The following PAX8 variants were observed in gnomAD, a reference collection of about 807,000 sequenced individuals.
PAX8 encodes paired box 8.
Under a neutral mutation model 52.4 loss-of-function variants are expected in PAX8, and 15 were observed. The ratio of observed to expected loss-of-function variants is 0.29; its 90% confidence interval spans 0.19 to 0.44. The LOEUF (loss-of-function observed/expected upper bound fraction) is 0.44. PAX8 is among the 20% of genes least tolerant of loss of function. PAX8 has a pLI of 1.00. For missense variants in PAX8, 554 were observed against 602.5 expected (o/e 0.92, Z 0.84); for synonymous variants, 284 against 249.7 (o/e 1.14, Z -1.29).
At chr2:113,220,787 C>T (rs1227044132) in intron 10 of PAX8, among the ~76,000 whole-genome samples, 2 of 152,204 alleles carry the variant, frequency 1.3e-5, no homozygotes, top group Non-Finnish European at 2.9e-5. Flanking sequence ...AGAGGGCACA[C>T]ACCCTCAGGA....
At chr2:113,233,657 AAC>A (rs1215350393) in intron 9 of PAX8, among the ~76,000 whole-genome samples, 2 of 150,986 alleles carry the variant, frequency 1.3e-5, no homozygotes, top group Non-Finnish European at 3.0e-5. Context: ...CAACCTGGGC[AAC>A]AGAGTGAGAT....
chr2:113,234,240 A>T (rs1690101950), intron 9 of PAX8, among the ~76,000 whole-genome samples: 3 of 152,102 alleles, frequency 2.0e-5, no homozygotes, highest in Middle Eastern at 3.4e-3. Context: ...TCCCACTTTC[A>T]CTGCATCTCA....
At position 113,244,519 on chromosome 2, in the gene PAX8, G is replaced by A. The variant is rs762019177; in HGVS notation, c.297C>T (p.Asn99=). 15 of 1,614,160 alleles carry A rather than the reference G, an allele frequency of 9.3e-6. No homozygotes were observed. The highest frequency in any genetic ancestry group is 6.6e-5 in the South Asian group (6 of 91,084). ...GGATCTCCCAGGCAAACATGGTAGG[G>A]TTCTGGCGTTTGTAGTCCCCAATCT... ...VEKIGDYKRQ[N]PTMFAWEIRD... is the part of the protein sequence containing the mutation. Residue 99 remains asparagine, a synonymous_variant, in exon 4 of 12, where the codon AAC becomes AAT. Transcript: ENST00000429538.
rs181729605 is a variant in PAX8 at position 113,244,552 on chromosome 2, C to T, written c.264G>A (p.Val88=). ...GSKPKVATPK[V]VEKIGDYKRQ... is the part of the protein sequence containing the mutation. ...GTTTGTAGTCCCCAATCTTCTCCACCACCTTGGGGGTGGCCACCTTGGGCT... is the reference window on the plus strand; with the variant it reads ...GTTTGTAGTCCCCAATCTTCTCCACTACCTTGGGGGTGGCCACCTTGGGCT... Residue 88 remains valine, a synonymous_variant, in exon 4 of 12, where the codon GTG becomes GTA. Coordinates refer to ENST00000429538, the MANE Select transcript of PAX8 (RefSeq NM_003466.4). 17 of 1,614,106 alleles carry T rather than the reference C, an allele frequency of 1.1e-5. No individual in the cohort carries two copies. The African/African-American group carries it at 2.1e-4, about 20-fold the overall frequency.
intron 9 of PAX8, among the ~76,000 whole-genome samples, chr2:113,232,983 G>C (rs941464202): frequency 1.3e-5 from 2 of 151,224 alleles, no homozygotes; most frequent in African/African-American, 4.9e-5. Context: ...GCAGGCTTGC[G>C]TAACTCCCTG....
intron 2 of PAX8, among the ~76,000 whole-genome samples, chr2:113,248,487 C>A (rs1054954209): frequency 2.0e-5 from 3 of 152,180 alleles, no homozygotes; most frequent in Non-Finnish European, 4.4e-5. Context: ...AAGGAAGAGC[C>A]AACCCCAGCC....
chr2:113,224,834 TAAAATATAAA>T (rs1270268127), intron 10 of PAX8, among the ~76,000 whole-genome samples: 6 of 130,522 alleles, frequency 4.6e-5, no homozygotes, highest in African/African-American at 1.7e-4. Context: ...TAAAATAAAA[TAAAATATAAA>T]ATAAAATAAA....
chr2:113,241,122 CTCGGG>C, intron 7 of PAX8: 1 of 329,622 alleles, frequency 3.0e-6, no homozygotes. Flanking sequence ...GGGTGGTGAG[CTCGGG>C]GCCATGAGTA....
intron 2 of PAX8, among the ~76,000 whole-genome samples, chr2:113,248,193 G>A (rs1428152444): frequency 6.6e-6 from 1 of 152,180 alleles, no homozygotes; most frequent in Non-Finnish European, 1.5e-5. Flanking sequence ...TTCTCATGAG[G>A]AGACTGGGGC....
intron 10 of PAX8, among the ~76,000 whole-genome samples, chr2:113,221,001 C>T (rs1429475828): frequency 6.6e-6 from 1 of 152,224 alleles, no homozygotes; most frequent in African/African-American, 2.4e-5. Context: ...CTGATCACCA[C>T]AGCTACTACC....
At chr2:113,231,775 C>A (rs1573423448) in intron 9 of PAX8, among the ~76,000 whole-genome samples, 2 of 152,206 alleles carry the variant, frequency 1.3e-5, no homozygotes, top group African/African-American at 4.8e-5. Context: ...GTTGCCCAGG[C>A]TGGAGTGCAA....
In PAX8 at chr2:113,244,552, C is replaced by G; in HGVS notation, c.264G>C (p.Val88=). The part of the protein sequence containing the change: ...GSKPKVATPK[V]VEKIGDYKRQ... ...GTTTGTAGTCCCCAATCTTCTCCAC[C>G]ACCTTGGGGGTGGCCACCTTGGGCT... The change falls in exon 4 of 12, where the codon GTG becomes GTC. Residue 88 remains valine, a synonymous_variant. Transcript: ENST00000429538. The G allele has an allele frequency of 6.2e-7, 1 of 1,614,106 alleles. No individual in the cohort carries two copies.
chr2:113,274,076 T>C (rs1693646275), intron 2 of PAX8: 1 of 152,124 alleles, frequency 6.6e-6, no homozygotes, highest in Non-Finnish European at 1.5e-5. Context: ...TGGGAATGCT[T>C]TCCTATATCA....
intron 2 of PAX8, among the ~76,000 whole-genome samples, chr2:113,265,081 T>C (rs6542127): frequency 0.51 from 78,110 of 152,070 alleles, 20,654 homozygotes; most frequent in African/African-American, 0.65. Flanking sequence ...AATCACCAGG[T>C]TAAGTTTGTC....
intron 3 of PAX8, 46 bp from the exon 4 acceptor site, chr2:113,244,670 G>T: frequency 1.9e-6 from 3 of 1,574,680 alleles, no homozygotes; most frequent in Non-Finnish European, 2.6e-6. Context: ...AAGCAGGTGG[G>T]GTCTTTAGAC....
rs201419236 is a variant in PAX8 at position 113,242,079 on chromosome 2, C to T, written c.530G>A (p.Gly177Asp). The change falls in exon 6 of 12, where the codon GGC becomes GAC. Residue 177 changes from glycine to aspartate, a missense_variant. This residue lies in a region of PAX8 where 445 missense variants were observed against 409.9 expected (regional missense o/e 1.09). Coordinates refer to ENST00000429538, the MANE Select transcript of PAX8 (RefSeq NM_003466.4). The part of the protein sequence containing the change: ...PPESPQSDSL[G>D]STYSINGLLG... ...GAGCCCATTGATGGAGTAGGTGGAGCCCAGGGAATCCGACTGGGGTGACTC... is the reference window on the plus strand; with the variant it reads ...GAGCCCATTGATGGAGTAGGTGGAGTCCAGGGAATCCGACTGGGGTGACTC... 5.6e-6 allele frequency: 9 copies of T among 1,613,506 alleles called. No individual in the cohort carries two copies. The East Asian group carries it at 1.8e-4, about 32-fold the overall frequency.
At chr2:113,277,839 G>C (rs955901934) in intron 2 of PAX8, among the ~76,000 whole-genome samples, 60 of 152,156 alleles carry the variant, frequency 3.9e-4, no homozygotes, top group African/African-American at 1.3e-3. Flanking sequence ...GGGCCAGGAG[G>C]AGTCGGAGAG....
Position 113,253,520 on chromosome 2 carries a change from C to T in PAX8, c.26-6601G>A, listed in dbSNP as rs572530631. 1.0e-3 allele frequency among the ~76,000 whole-genome samples: 152 copies of T among 152,370 alleles called. 6 individuals are homozygous for T. The South Asian group carries it at 0.029, about 29-fold the overall frequency. ...ACCTGCCACCACACTCTCTGCACCG[C>T]ACTGTCATCGGTCTTCTGCACAACC... On this transcript the variant is annotated intron_variant, in intron 2 of 11. Transcript: ENST00000429538.
chr2:113,275,125 C>T (rs1029626799), intron 2 of PAX8: 4 of 152,142 alleles, frequency 2.6e-5, no homozygotes, highest in Non-Finnish European at 5.9e-5. Context: ...AACTTTCCTT[C>T]CACCCCCAAA....
Sources: gnomAD v4.1 joint callset for allele counts (sites outside exome capture counted in the v4.1 genomes callset) on GRCh38, gnomAD v4.1.1 for gene constraint, gnomAD v4.1.1 regional missense constraint, MANE v1.5 for transcripts, NCBI Gene and HGNC (gene_info 2026-07-23, HGNC 2026-07-21) for gene names.